PPIP5K2: variants seen among roughly 807,000 people sequenced by gnomAD.
PPIP5K2 encodes inositol hexakisphosphate and diphosphoinositol-pentakisphosphate kinase 2.
PPIP5K2 carries 105 observed loss-of-function variants against 154.6 expected under a neutral mutation model. The observed-to-expected ratio is 0.68, with a 90% confidence interval of 0.58 to 0.80. The LOEUF is 0.80. Ranked by LOEUF, PPIP5K2 falls within the 30% of genes least tolerant of loss-of-function variation. PPIP5K2 has a pLI of 0.00. For synonymous variants in PPIP5K2, 480 were observed against 490.3 expected (o/e 0.98, Z 0.28); for missense variants, 992 against 1,504.6 (o/e 0.66, Z 5.64).
chr5:103,126,745 G>GTTTT lies in PPIP5K2; in HGVS notation c.-284-2548_-284-2545dup, dbSNP rs369761352. Among the ~76,000 whole-genome samples the GTTTT allele has an allele frequency of 9.5e-5, 13 of 137,442 alleles. 1 individual carries two copies. The highest frequency in any genetic ancestry group is 1.3e-4 in the Non-Finnish European group (8 of 63,946). 90.2% of individuals were successfully genotyped at this position (137,442 alleles called of 152,430 possible). ...AAGCTAGTCTATCTAGCCTTTTCAC[G>GTTTT]TTTTTTTTTTTTTTTTCTGTCTGCC... On this transcript the variant is annotated intron_variant, in intron 1 of 30. Coordinates refer to ENST00000358359, the MANE Select transcript of PPIP5K2 (RefSeq NM_001276277.3).
Position 103,177,661 on chromosome 5 carries a change from G to T in PPIP5K2, c.2530-6G>T, listed in dbSNP as rs1554221366. ...AAAATGATTACCACATGTATCTTTT[G>T]TTCAGGAATCAAAGGATGAACAGTG... On this transcript the variant is annotated splice_polypyrimidine_tract_variant and splice_region_variant and intron_variant, in intron 21 of 30. Transcript: ENST00000358359. The T allele has an allele frequency of 6.3e-7, 1 of 1,585,932 alleles. No individual in the cohort carries two copies. Among genetic ancestry groups the T allele is most frequent in the South Asian group, 1.1e-5 (1 of 87,510 alleles).
At chr5:103,198,656 T>C (rs1802494616) in intron 30 of PPIP5K2, among the ~76,000 whole-genome samples, 1 of 152,204 alleles carries the variant, frequency 6.6e-6, no homozygotes, top group African/African-American at 2.4e-5. Context: ...GACTTTTTTC[T>C]CTTTAATTTC....
intron 29 of PPIP5K2, 134 bp downstream of exon 29, chr5:103,191,116 C>A: frequency 2.9e-6 from 2 of 685,644 alleles, no homozygotes; most frequent in Non-Finnish European, 2.2e-6. Flanking sequence ...TGTAAAGGGA[C>A]ATTATTAGGA....
At position 103,207,747 on chromosome 5, in the gene PPIP5K2, G is replaced by A. The variant is rs1378899584; in HGVS notation, c.*6113G>A. On this transcript the variant is annotated 3_prime_UTR_variant, in exon 31 of 31. Coordinates refer to ENST00000358359, the MANE Select transcript of PPIP5K2 (RefSeq NM_001276277.3). ...TTTCCTTTGGTTGTTTTGCTATGGT[G>A]TTTCTGATCAACTACATTTCTTTAT... 6.6e-6 allele frequency: 1 copy of A among 151,908 alleles called. No homozygotes were observed. Among genetic ancestry groups the A allele is most frequent in the Non-Finnish European group, 1.5e-5 (1 of 67,992 alleles). The allele number at this position is 151,908 out of a possible 1,614,324, so 9.4% of individuals were successfully genotyped here. A position where few individuals can be genotyped will look rare whatever the true frequency, so the allele number is the denominator to read the frequency against.
chr5:103,200,303 G>T (rs1802773786), intron 30 of PPIP5K2, among the ~76,000 whole-genome samples: 1 of 152,006 alleles, frequency 6.6e-6, no homozygotes, highest in East Asian at 1.9e-4. Context: ...TGTAGTTGCT[G>T]CAATACTTGT....
chr5:103,169,215 A>G (rs1797582593), intron 19 of PPIP5K2, among the ~76,000 whole-genome samples: 1 of 151,874 alleles, frequency 6.6e-6, no homozygotes, highest in African/African-American at 2.4e-5. Flanking sequence ...ACTATGTTAG[A>G]AGAACAAAGT....
At chr5:103,153,247 C>G (rs79117646) in intron 10 of PPIP5K2, among the ~76,000 whole-genome samples, 2,806 of 151,674 alleles carry the variant, frequency 0.019, 83 homozygotes, top group African/African-American at 0.065. Context: ...CAGCATTTTT[C>G]ATACTGATTT....
Position 103,177,861 on chromosome 5 carries a change from T to C in PPIP5K2, c.2638-3T>C, listed in dbSNP as rs1554221477. 1.2e-6 allele frequency: 2 copies of C among 1,609,026 alleles called. No individual in the cohort carries two copies. Among genetic ancestry groups the C allele is most frequent in the South Asian group, 2.2e-5 (2 of 90,888 alleles). ...TTTGAAAATGTTCTGTCATATTTCT[T>C]AGGATCTTTCCTCAGAAGAACGCTT... On this transcript the variant is annotated splice_region_variant and splice_polypyrimidine_tract_variant and intron_variant, in intron 22 of 30. Coordinates refer to ENST00000358359, the MANE Select transcript of PPIP5K2 (RefSeq NM_001276277.3).
In PPIP5K2 at chr5:103,184,754, G is replaced by A. The variant is rs782548070; in HGVS notation, c.3169+10G>A. The A allele has an allele frequency of 7.5e-6, 12 of 1,604,950 alleles. No individual in the cohort carries two copies. In the East Asian group the frequency reaches 2.2e-4, roughly 30 times the overall value. On this transcript the variant is annotated intron_variant, in intron 26 of 30. Transcript: ENST00000358359. ...CAGAATCCTACTGTAGGTATGTGGTGTAAAGGAAATTGTGTTCCATACCCT... is the reference window on the plus strand; with the variant it reads ...CAGAATCCTACTGTAGGTATGTGGTATAAAGGAAATTGTGTTCCATACCCT...
intron 19 of PPIP5K2, 47 bp from the exon 20 acceptor site, chr5:103,173,108 A>G (rs782359138): frequency 4.1e-6 from 6 of 1,474,090 alleles, no homozygotes; most frequent in Non-Finnish European, 4.6e-6. Context: ...TTTTTAGAGT[A>G]CTTTGTCATT....
chr5:103,187,189 C>T, intron 27 of PPIP5K2, 125 bp from the exon 28 acceptor site: 1 of 616,648 alleles, frequency 1.6e-6, no homozygotes, highest in Admixed American at 2.9e-5. Context: ...TTATTACATT[C>T]TCTCATTGTC....
chr5:103,163,086 G>GTTTTTTTTTTTTT (rs35922283), intron 17 of PPIP5K2, among the ~76,000 whole-genome samples: 1 of 59,894 alleles, frequency 1.7e-5, no homozygotes, highest in Non-Finnish European at 3.3e-5. Context: ...TTCTTCAAGT[G>GTTTTTTTTTTTTT]TTTTTTTTTT....
intron 30 of PPIP5K2, among the ~76,000 whole-genome samples, chr5:103,200,614 T>TTTTATTTATTTA (rs146954556): frequency 2.7e-5 from 4 of 149,166 alleles, no homozygotes; most frequent in East Asian, 4.0e-4. Flanking sequence ...TGGTTTTTTA[T>TTTTATTTATTTA]TTTATTTATT....
At chr5:103,174,077 T>G in intron 21 of PPIP5K2, 105 bp downstream of exon 21, 2 of 864,606 alleles carry the variant, frequency 2.3e-6, no homozygotes. Flanking sequence ...TCCTTAAGTT[T>G]TACTACTTAA....
chr5:103,171,449 C>G (rs1324815028), intron 19 of PPIP5K2, among the ~76,000 whole-genome samples: 2 of 151,376 alleles, frequency 1.3e-5, no homozygotes, highest in African/African-American at 4.8e-5. Flanking sequence ...ATTGAAATCA[C>G]CATAGAAAGC....
At chr5:103,131,840 C>T (rs1268781720) in intron 2 of PPIP5K2, among the ~76,000 whole-genome samples, 2 of 152,046 alleles carry the variant, frequency 1.3e-5, no homozygotes, top group Non-Finnish European at 2.9e-5. Context: ...AGAAACTCTG[C>T]GATTGTGCCT....
chr5:103,196,521 A>G (rs1554228583), intron 30 of PPIP5K2, among the ~76,000 whole-genome samples: 1 of 152,176 alleles, frequency 6.6e-6, no homozygotes, highest in African/African-American at 2.4e-5. Flanking sequence ...TAATTCTCAT[A>G]GTTCTCACCA....
intron 25 of PPIP5K2, 78 bp from the exon 26 acceptor site, chr5:103,184,594 G>T: frequency 9.4e-7 from 1 of 1,064,748 alleles, no homozygotes. Context: ...TGTCTGTCTG[G>T]AACAGGCTGC....
At chr5:103,170,149 C>T (rs1036598378) in intron 19 of PPIP5K2, among the ~76,000 whole-genome samples, 7 of 151,590 alleles carry the variant, frequency 4.6e-5, no homozygotes, top group African/African-American at 1.7e-4. Flanking sequence ...ATTTCTCCTC[C>T]TTACATGGTG....
Sources: gnomAD v4.1 joint callset for allele counts (sites outside exome capture counted in the v4.1 genomes callset) on GRCh38, gnomAD v4.1.1 for gene constraint, MANE v1.5 for transcripts, NCBI Gene and HGNC (gene_info 2026-07-23, HGNC 2026-07-21) for gene names.